PCF11: variants seen among roughly 807,000 people sequenced by gnomAD.
The protein encoded by PCF11 is pre-mRNA cleavage complex 2 protein Pcf11.
PCF11 carries 19 observed loss-of-function variants against 166.1 expected under a neutral mutation model. The observed-to-expected ratio is 0.11, with a 90% CI of 0.08 to 0.17. The LOEUF (loss-of-function observed/expected upper bound fraction) is 0.17. PCF11 is among the 10% of genes least tolerant of loss of function. The pLI, the probability that PCF11 is intolerant of heterozygous loss-of-function variation, is 1.00. For synonymous variants in PCF11, 663 were observed against 644.1 expected, an observed-to-expected ratio of 1.03 and a Z score of -0.44; for missense variants, 1,565 against 1,855.5, an observed-to-expected ratio of 0.84 and a Z score of 2.88.
intron 4 of PCF11, among the ~76,000 whole-genome samples, 183 bp from the exon 5 acceptor site, chr11:83,165,417 C>T (rs1169196583): frequency 1.3e-5 from 2 of 152,068 alleles, no homozygotes; most frequent in Non-Finnish European, 2.9e-5. Context: ...TAATGGGCAA[C>T]TTAAATCATG....
chr11:83,162,857 C>T (rs1030169402), intron 2 of PCF11, among the ~76,000 whole-genome samples: 3 of 152,194 alleles, frequency 2.0e-5, no homozygotes, highest in Admixed American at 6.5e-5. Flanking sequence ...TCACTGCAAC[C>T]TCCGCCTCCC....
At chr11:83,160,550 G>C (rs557441562) in intron 1 of PCF11, among the ~76,000 whole-genome samples, 1 of 152,072 alleles carries the variant, frequency 6.6e-6, no homozygotes, top group Non-Finnish European at 1.5e-5. Context: ...ACCTGTATCA[G>C]CATCACCACA....
exon 16 of PCF11, chr11:83,185,448 A>T (rs1202070896): frequency 9.7e-6 from 1 of 102,792 alleles, no homozygotes; most frequent in Non-Finnish European, 1.8e-5. Flanking sequence ...TATTTTGCAG[A>T]TATATATATA....
chr11:83,168,585 G>T lies in PCF11; in HGVS notation c.2250G>T (p.Pro750=), dbSNP rs371723380. The T allele has an allele frequency of 5.5e-5, 89 of 1,613,950 alleles. 2 individuals are homozygous for T. The African/African-American group carries it at 1.1e-3, about 20-fold the overall frequency. ...TTACAGCTTTAGCTGAAGACAGACC[G>T]TTATTTGATGGACCTAGTAGGCCAT... The change falls in exon 8 of 16, where the codon CCG becomes CCT. Residue 750 remains proline, a synonymous_variant. Transcript: ENST00000298281.
chr11:83,168,486 A>T (rs745523986), exon 8 of PCF11: 1 of 1,613,488 alleles, frequency 6.2e-7, no homozygotes. Context: ...AGCGACCTCG[A>T]TATGAAGATT....
exon 1 of PCF11, chr11:83,157,382 G>A (rs1409222373): frequency 2.0e-6 from 3 of 1,479,534 alleles, no homozygotes; most frequent in Non-Finnish European, 2.8e-6. Flanking sequence ...GGGAGGCGGG[G>A]TATCCAGAGC....
chr11:83,166,766 A>T (rs1459783726), intron 5 of PCF11, 52 bp downstream of exon 5: 3 of 1,461,508 alleles, frequency 2.1e-6, no homozygotes, highest in Non-Finnish European at 2.8e-6. Context: ...GTTTCAAAAG[A>T]TAGTGTTAAT....
At chr11:83,182,544 G>T in intron 14 of PCF11, 53 bp downstream of exon 14, 3 of 883,038 alleles carry the variant, frequency 3.4e-6, no homozygotes, top group Non-Finnish European at 5.6e-6. Flanking sequence ...TTTTTGTTGG[G>T]TTAACACATT....
At chr11:83,159,274 A>G (rs1220528287) in intron 1 of PCF11, among the ~76,000 whole-genome samples, 1 of 152,162 alleles carries the variant, frequency 6.6e-6, no homozygotes, top group African/African-American at 2.4e-5. Flanking sequence ...TACCACAAAC[A>G]TCTTGGACAT....
At chr11:83,160,795 A>G (rs1431367749) in intron 1 of PCF11, among the ~76,000 whole-genome samples, 1 of 152,172 alleles carries the variant, frequency 6.6e-6, no homozygotes, top group Non-Finnish European at 1.5e-5. Context: ...TTGACTTCCT[A>G]GGTGAAGTGT....
chr11:83,166,269 G>A (rs1042016374), exon 5 of PCF11: 1 of 1,613,236 alleles, frequency 6.2e-7, no homozygotes, highest in African/African-American at 1.3e-5. Context: ...ACAAAAACAG[G>A]ATACAATAAC....
Position 83,177,763 on chromosome 11 carries a change from A to G in PCF11, c.3927A>G (p.Gln1309=), listed in dbSNP as rs1860935871. Residue 1309 remains glutamine (Q), a synonymous_variant, in exon 11 of 16, where the codon CAA becomes CAG. Coordinates refer to ENST00000298281, the Ensembl canonical transcript of PCF11. The stretch of plus-strand genomic sequence containing the variant: ...CTCCCCCTGAAGAGGAGGAAGATCA[A>G]AATGAAGATCAAGATGTTCCAGATC... 5.2e-6 allele frequency: 8 copies of G among 1,545,146 alleles called. No homozygotes were observed. In the East Asian group the frequency reaches 1.9e-4, roughly 38 times the overall value.
rs189575257 is a variant in PCF11 at position 83,177,653 on chromosome 11, C to T, written c.3878-61C>T. The stretch of plus-strand genomic sequence containing the variant: ...ATTTGCTTATAATACTATAGTGTTC[C>T]TCTGTAGAGAATACATGGAGAATGG... On this transcript the variant is annotated intron_variant, in intron 10 of 15. Transcript: ENST00000298281. 64 of 801,954 alleles carry T rather than the reference C, an allele frequency of 8.0e-5. No homozygotes were observed. The East Asian group carries it at 1.6e-3, about 20-fold the overall frequency. 49.7% of individuals were successfully genotyped at this position (801,954 alleles called of 1,614,324 possible).
chr11:83,173,651 T>C (rs1860767670), intron 9 of PCF11, among the ~76,000 whole-genome samples: 3 of 151,376 alleles, frequency 2.0e-5, no homozygotes, highest in African/African-American at 7.3e-5. Flanking sequence ...AGAGGATTTG[T>C]TATATTGGGG....
At chr11:83,162,812 T>A (rs1860308020) in intron 2 of PCF11, among the ~76,000 whole-genome samples, 1 of 152,236 alleles carries the variant, frequency 6.6e-6, no homozygotes, top group African/African-American at 2.4e-5. Context: ...TTTGCTCTTG[T>A]TGCCCAAGCT....
At chr11:83,175,293 G>A (rs950267521) in intron 9 of PCF11, among the ~76,000 whole-genome samples, 5 of 151,990 alleles carry the variant, frequency 3.3e-5, no homozygotes, top group Non-Finnish European at 5.9e-5. Flanking sequence ...TACCACAACC[G>A]GCTAATTTTT....
exon 5 of PCF11, chr11:83,166,074 A>G: frequency 3.1e-6 from 5 of 1,610,192 alleles, no homozygotes; most frequent in Non-Finnish European, 4.2e-6. Context: ...GGAAAGTATG[A>G]GGTTGTCTGA....
At chr11:83,178,605 C>T (rs567552191) in intron 11 of PCF11, among the ~76,000 whole-genome samples, 221 of 151,694 alleles carry the variant, frequency 1.5e-3, no homozygotes, top group African/African-American at 5.1e-3. Context: ...ACCATCCTGG[C>T]TAACAAGACC....
intron 4 of PCF11, among the ~76,000 whole-genome samples, chr11:83,165,158 T>C (rs754581063): frequency 3.8e-4 from 58 of 152,352 alleles, no homozygotes; most frequent in South Asian, 1.7e-3. Context: ...TCTGAGCTTA[T>C]TCGACAGTGA....
Sources: gnomAD v4.1 joint callset for allele counts (sites outside exome capture counted in the v4.1 genomes callset) on GRCh38, gnomAD v4.1.1 for gene constraint, MANE v1.5 for transcripts, NCBI Gene and HGNC (gene_info 2026-07-23, HGNC 2026-07-21) for gene names.